Variants in MYO10 observed in about 807,000 individuals in gnomAD.
The protein encoded by MYO10 is unconventional myosin-X.
A neutral mutation model predicts 257.3 loss-of-function variants in MYO10; 133 were observed. That is an observed-to-expected ratio of 0.52 (90% confidence interval 0.45 to 0.60). The LOEUF (loss-of-function observed/expected upper bound fraction) is 0.60, where lower values mean the gene tolerates loss of function less well. MYO10 is among the 20% of genes least tolerant of loss of function. The probability of loss-of-function intolerance (pLI) is 0.00; values close to 1 mark genes in which losing one functional copy is unlikely to be tolerated. For synonymous variants in MYO10, 1,104 were observed against 1,028.6 expected, an observed-to-expected ratio of 1.07 and a Z score of -1.40; for missense variants, 2,399 against 2,635.7, an observed-to-expected ratio of 0.91 and a Z score of 1.97.
chr5:16,871,017 T>C (rs1260112152), intron 2 of MYO10, among the ~76,000 whole-genome samples: 4 of 152,238 alleles, frequency 2.6e-5, no homozygotes, highest in Non-Finnish European at 2.9e-5. Flanking sequence ...TGTGTGTGTT[T>C]ACATATATGC....
chr5:16,747,755 T>C (rs539040024), intron 19 of MYO10, among the ~76,000 whole-genome samples: 60 of 151,508 alleles, frequency 4.0e-4, no homozygotes, highest in Admixed American at 1.3e-3. Context: ...CCGTCTCTAC[T>C]AAAAATACAA....
At chr5:16,726,965 G>A (rs1739390619) in intron 19 of MYO10, among the ~76,000 whole-genome samples, 1 of 152,170 alleles carries the variant, frequency 6.6e-6, no homozygotes, top group South Asian at 2.1e-4. Flanking sequence ...GCCAGTTACA[G>A]AAGTTTACTA....
intron 21 of MYO10, among the ~76,000 whole-genome samples, chr5:16,709,303 G>A (rs1738487665): frequency 1.3e-5 from 2 of 152,180 alleles, no homozygotes; most frequent in South Asian, 2.1e-4. Context: ...CCTGCGGGGG[G>A]CACACCCTCA....
intron 6 of MYO10, 87 bp from the exon 7 acceptor site, chr5:16,780,828 G>A: frequency 7.6e-7 from 1 of 1,319,642 alleles, no homozygotes; most frequent in South Asian, 1.4e-5. Flanking sequence ...ATTCTTTGGT[G>A]CTCAAATAAT....
intron 4 of MYO10, among the ~76,000 whole-genome samples, chr5:16,783,923 G>A (rs1741497560): frequency 6.6e-6 from 1 of 152,162 alleles, no homozygotes; most frequent in Non-Finnish European, 1.5e-5. Flanking sequence ...ATACTGAGGG[G>A]ACAAGGCAAT....
chr5:16,880,287 G>A (rs184572518), intron 1 of MYO10, among the ~76,000 whole-genome samples: 2 of 152,062 alleles, frequency 1.3e-5, no homozygotes, highest in Non-Finnish European at 2.9e-5. Context: ...AATCTGGGGC[G>A]GGCCAACAGG....
intron 1 of MYO10, among the ~76,000 whole-genome samples, chr5:16,908,592 G>A (rs1489935410): frequency 6.6e-6 from 1 of 152,096 alleles, no homozygotes; most frequent in Non-Finnish European, 1.5e-5. Flanking sequence ...GGAGCCTTTG[G>A]GAAATATGCC....
At chr5:16,870,580 G>A (rs1270856940) in intron 2 of MYO10, among the ~76,000 whole-genome samples, 1 of 151,590 alleles carries the variant, frequency 6.6e-6, no homozygotes, top group Non-Finnish European at 1.5e-5. Context: ...TGGATTCTAA[G>A]AGGTCACCTT....
chr5:16,704,664 C>G lies in MYO10; in HGVS notation c.2191G>C (p.Glu731Gln). 1 of 1,613,896 alleles carries G rather than the reference C, an allele frequency of 6.2e-7. No homozygotes were observed. The highest frequency in any genetic ancestry group is 8.5e-7 in the Non-Finnish European group (1 of 1,179,882). The change falls in exon 22 of 41, where the codon GAA becomes CAA. Residue 731 changes from glutamate to glutamine, a missense_variant. Physicochemically the swap from Glu to Gln is conservative, Grantham distance 29 (BLOSUM62 2). This residue lies in a region of MYO10 where 1,820 missense variants were observed against 1,939.4 expected (regional missense o/e 0.94). Coordinates refer to ENST00000513610, the MANE Select transcript of MYO10 (RefSeq NM_012334.3). ...TCCCTCCGCTTCTCCAGTTTCTGTT[C>G]CAAGGATTCTCGAAGAAAGACCTGC... ...KTKVFLRESL[E>Q]QKLEKRREEE...
At chr5:16,677,502 G>A (rs1251970297) in intron 33 of MYO10, among the ~76,000 whole-genome samples, 6 of 145,150 alleles carry the variant, frequency 4.1e-5, no homozygotes, top group South Asian at 2.2e-4. Flanking sequence ...TGCAAGCTCC[G>A]CCTCCCGGGT....
intron 3 of MYO10, among the ~76,000 whole-genome samples, chr5:16,804,767 T>C (rs1319964092): frequency 6.6e-6 from 1 of 151,738 alleles, no homozygotes; most frequent in African/African-American, 2.4e-5. Flanking sequence ...ATACGAAAAT[T>C]AGCTGGGTGT....
chr5:16,861,807 G>A (rs561751702), intron 2 of MYO10, among the ~76,000 whole-genome samples: 1 of 152,230 alleles, frequency 6.6e-6, no homozygotes, highest in South Asian at 2.1e-4. Flanking sequence ...GTGGAAAGAT[G>A]ATAAACTCTG....
At chr5:16,835,810 T>TA (rs34486163) in intron 2 of MYO10, among the ~76,000 whole-genome samples, 9,521 of 146,746 alleles carry the variant, frequency 0.065, 436 homozygotes, top group African/African-American at 0.11. Context: ...CAAAAGTCTT[T>TA]AAAAAAAAAA....
At position 16,694,359 on chromosome 5, in the gene MYO10, T is replaced by C; in HGVS notation, c.3800+12A>G. 6.2e-7 allele frequency: 1 copy of C among 1,613,914 alleles called. No homozygotes were observed. The highest frequency in any genetic ancestry group is 8.5e-7 in the Non-Finnish European group (1 of 1,179,786). ...GCAACCCATCGGGCCACAGCCAGGC[T>C]TAGCAACCTACTTTGCCGTTCGCAC... is the stretch of plus-strand genomic sequence containing the variant. On this transcript the variant is annotated intron_variant, in intron 27 of 40. Transcript: ENST00000513610.
chr5:16,868,446 T>C (rs1744347896), intron 2 of MYO10, among the ~76,000 whole-genome samples: 1 of 152,054 alleles, frequency 6.6e-6, no homozygotes, highest in African/African-American at 2.4e-5. Flanking sequence ...CTACTAAAAA[T>C]ACATAAAATT....
At chr5:16,732,106 A>G (rs1163128594) in intron 19 of MYO10, among the ~76,000 whole-genome samples, 1 of 152,212 alleles carries the variant, frequency 6.6e-6, no homozygotes, top group Non-Finnish European at 1.5e-5. Flanking sequence ...TCATATTTTG[A>G]GTAGATCATA....
At chr5:16,824,884 C>A (rs1408930608) in intron 2 of MYO10, among the ~76,000 whole-genome samples, 6 of 151,874 alleles carry the variant, frequency 4.0e-5, no homozygotes, top group African/African-American at 1.5e-4. Flanking sequence ...CAAAACAAAA[C>A]AAAACAAAAA....
In MYO10 at chr5:16,823,044, TAA is replaced by T. The variant is rs992506912; in HGVS notation, c.121-4879_121-4878del. On this transcript the variant is annotated intron_variant, in intron 2 of 40. Coordinates refer to ENST00000513610, the MANE Select transcript of MYO10 (RefSeq NM_012334.3). ...CCCACAATCTTACTGAAGAATTTCT[TAA>T]GAGAGATTCTTGAACTATCAAAAGT... 2.5e-4 allele frequency among the ~76,000 whole-genome samples: 38 copies of T among 152,100 alleles called. 1 individual carries two copies. Among genetic ancestry groups the T allele is most frequent in the Non-Finnish European group, 5.9e-5 (4 of 68,010 alleles).
At chr5:16,806,904 T>G (rs770783057) in intron 3 of MYO10, among the ~76,000 whole-genome samples, 5 of 152,196 alleles carry the variant, frequency 3.3e-5, no homozygotes, top group Non-Finnish European at 7.3e-5. Flanking sequence ...TTACCCCACA[T>G]GACCGCTATG....
Sources: allele counts gnomAD v4.1 joint callset (sites outside exome capture counted in the v4.1 genomes callset), GRCh38; gene constraint gnomAD v4.1.1; regional missense constraint gnomAD v4.1.1; transcripts MANE v1.5; gene names NCBI Gene and HGNC (gene_info 2026-07-23, HGNC 2026-07-21).